ZNF841: variants seen among roughly 807,000 people sequenced by gnomAD.
ZNF841 encodes TCONS_00006091.
In ZNF841, 11 loss-of-function variants were observed where a neutral mutation model predicts 13.0. The observed-to-expected ratio is 0.85, with a 90% CI of 0.53 to 1.40. The LOEUF is 1.40. ZNF841 is among the 40% of genes most tolerant of loss of function. ZNF841 has a pLI of 0.00. For missense variants in ZNF841, 1,068 were observed against 1,139.5 expected, an observed-to-expected ratio of 0.94 and a Z score of 0.90; for synonymous variants, 369 against 381.6, an observed-to-expected ratio of 0.97 and a Z score of 0.38.
chr19:52,081,361 T>C (rs985398980), intron 4 of ZNF841, among the ~76,000 whole-genome samples: 3 of 152,192 alleles, frequency 2.0e-5, no homozygotes, highest in Non-Finnish European at 2.9e-5. Flanking sequence ...GTTGGCTCCA[T>C]CTATGGCTGC....
At chr19:52,077,429 C>CT (rs1372177969) in intron 4 of ZNF841, among the ~76,000 whole-genome samples, 2 of 152,122 alleles carry the variant, frequency 1.3e-5, no homozygotes, top group Admixed American at 1.3e-4. Flanking sequence ...TGACAATGTT[C>CT]TTAGTGGCTT....
intron 1 of ZNF841, among the ~76,000 whole-genome samples, chr19:52,095,172 C>T (rs896039458): frequency 1.3e-5 from 2 of 152,172 alleles, no homozygotes; most frequent in Non-Finnish European, 2.9e-5. Context: ...ACTCAGGTAA[C>T]CTGTCCCAAC....
chr19:52,078,752 A>T (rs538931770), intron 4 of ZNF841, among the ~76,000 whole-genome samples: 75 of 152,078 alleles, frequency 4.9e-4, no homozygotes, highest in Non-Finnish European at 9.7e-4. Context: ...GGCCATAGAA[A>T]CATTTAAGAT....
chr19:52,065,687 G>A lies in ZNF841; in HGVS notation c.2195C>T (p.Thr732Ile). The A allele has an allele frequency of 6.2e-7, 1 of 1,603,172 alleles. No individual in the cohort carries two copies. Among genetic ancestry groups the A allele is most frequent in the Non-Finnish European group, 8.5e-7 (1 of 1,174,250 alleles). ...TSLVYHQRRH[T>I]GEMPYKCIEC... ...AATACATTTGTATGGCATCTCTCCAGTATGTCTTCTCTGATGGTACACCAG... is the reference window on the plus strand; with the variant it reads ...AATACATTTGTATGGCATCTCTCCAATATGTCTTCTCTGATGGTACACCAG... The change falls in exon 7 of 7, where the codon ACT becomes ATT. Residue 732 changes from threonine to isoleucine, a missense_variant. Transcript: ENST00000594440.
At chr19:52,078,661 T>C (rs1214733814) in intron 4 of ZNF841, among the ~76,000 whole-genome samples, 3 of 144,338 alleles carry the variant, frequency 2.1e-5, no homozygotes, top group Non-Finnish European at 4.5e-5. Context: ...ATCGCACCAC[T>C]GCACTCCAGC....
At chr19:52,084,725 T>A in intron 4 of ZNF841, 62 bp downstream of exon 4, 1 of 1,574,526 alleles carries the variant, frequency 6.4e-7, no homozygotes, top group Non-Finnish European at 8.7e-7. Context: ...GATTTGCAGC[T>A]CCAATGCCCT....
intron 4 of ZNF841, 124 bp downstream of exon 4, chr19:52,084,663 C>T (rs1221342965): frequency 8.0e-6 from 8 of 1,005,074 alleles, no homozygotes; most frequent in Middle Eastern, 2.1e-4. Context: ...TGAAGGAAGG[C>T]ATGGGTGAGT....
At chr19:52,074,364 A>C (rs1818599594) in intron 6 of ZNF841, among the ~76,000 whole-genome samples, 1 of 152,234 alleles carries the variant, frequency 6.6e-6, no homozygotes. Flanking sequence ...GACTTAAAAA[A>C]GATAAGCCTC....
At position 52,066,682 on chromosome 19, in the gene ZNF841, G is replaced by T. The variant is rs1313786208; in HGVS notation, c.1200C>A (p.Pro400=). 1.9e-6 allele frequency: 3 copies of T among 1,611,840 alleles called. No individual in the cohort carries two copies. The highest frequency in any genetic ancestry group is 2.5e-6 in the Non-Finnish European group (3 of 1,178,898). ...THQTVHTGDK[P]YKCNECGKTF... ...TTTTGCCACATTCATTACATTTGTA[G>T]GGTTTGTCTCCAGTATGAACTGTCT... The change falls in exon 7 of 7, where the codon CCC becomes CCA. Residue 400 remains proline (P), a synonymous_variant. Coordinates refer to ENST00000594440, the MANE Select transcript of ZNF841 (RefSeq NM_001136499.2).
At chr19:52,060,761 T>C (rs752578026), downstream of ZNF841, among the ~76,000 whole-genome samples, 4 of 152,146 alleles carry the variant, frequency 2.6e-5, no homozygotes, top group Non-Finnish European at 5.9e-5. Context: ...CAGCAGCTCG[T>C]CCAGGGCAAA....
chr19:52,079,892 G>A (rs1370618174), intron 4 of ZNF841, among the ~76,000 whole-genome samples: 2 of 151,680 alleles, frequency 1.3e-5, no homozygotes, highest in African/African-American at 4.9e-5. Context: ...TAGGGAGGCT[G>A]AGCCAGGAGG....
downstream of ZNF841, chr19:52,064,379 A>AC (rs1568532504): frequency 7.1e-6 from 1 of 140,644 alleles, no homozygotes; most frequent in Admixed American, 7.5e-5. Context: ...AAAAAAAAAA[A>AC]AAAAAAAAAA....
chr19:52,082,972 C>T (rs1444499349), intron 4 of ZNF841, among the ~76,000 whole-genome samples: 3 of 151,468 alleles, frequency 2.0e-5, no homozygotes, highest in African/African-American at 4.9e-5. Context: ...CCCAGCTACT[C>T]AGGAGGCTGA....
chr19:52,094,161 G>GGTTCCC (rs1258258321), intron 1 of ZNF841, 190 bp from the exon 2 acceptor site: 1 of 152,074 alleles, frequency 6.6e-6, no homozygotes, highest in Non-Finnish European at 1.5e-5. Flanking sequence ...CTGCCCTCTG[G>GGTTCCC]CTAAATAGGA....
At position 52,076,027 on chromosome 19, in the gene ZNF841, C is replaced by A. The variant is rs1005776687; in HGVS notation, c.271+17G>T. The A allele has an allele frequency of 2.6e-6, 4 of 1,551,672 alleles. No individual in the cohort carries two copies. Among genetic ancestry groups the A allele is most frequent in the Non-Finnish European group, 3.5e-6 (4 of 1,147,046 alleles). On this transcript the variant is annotated intron_variant, in intron 6 of 6. Coordinates refer to ENST00000594440, the MANE Select transcript of ZNF841 (RefSeq NM_001136499.2). ...ATTTCATGGTACCGCTTCCATTGTG[C>A]CCATCTGAGCTCTTACCGGTGATCA... is the stretch of plus-strand genomic sequence containing the variant.
chr19:52,059,706 G>A (rs180840601), downstream of ZNF841, among the ~76,000 whole-genome samples: 3 of 152,214 alleles, frequency 2.0e-5, no homozygotes, highest in East Asian at 3.9e-4. Flanking sequence ...CCTGAGGCAG[G>A]AGAACATGGT....
chr19:52,093,246 A>G (rs2088565361), intron 2 of ZNF841, among the ~76,000 whole-genome samples: 1 of 152,234 alleles, frequency 6.6e-6, no homozygotes, highest in South Asian at 2.1e-4. Context: ...ACATATACAG[A>G]GTGTTCATGT....
At chr19:52,059,685 G>A (rs569202360), downstream of ZNF841, among the ~76,000 whole-genome samples, 1 of 152,170 alleles carries the variant, frequency 6.6e-6, no homozygotes, top group African/African-American at 2.4e-5. Flanking sequence ...ATGGTGGCGT[G>A]AGCCTGTGAT....
At position 52,066,852 on chromosome 19, in the gene ZNF841, G is replaced by T; in HGVS notation, c.1030C>A (p.Pro344Thr). 6.2e-7 allele frequency: 1 copy of T among 1,614,150 alleles called. No individual in the cohort carries two copies. Among genetic ancestry groups the T allele is most frequent in the Non-Finnish European group, 8.5e-7 (1 of 1,180,026 alleles). Residue 344 changes from proline to threonine, a missense_variant, in exon 7 of 7, where the codon CCC becomes ACC. Pro to Thr is a conservative substitution (Grantham distance 38, BLOSUM62 -1). Transcript: ENST00000594440. ...NHRRSHTGDKPYICNECGKSF... is the reference protein window; with the variant it reads ...NHRRSHTGDKTYICNECGKSF... Reference sequence around the variant, plus strand: ...TTGCCACATTCATTACATATGTAGGGTTTGTCTCCAGTGTGACTTCTCCGG... The same window carrying T: ...TTGCCACATTCATTACATATGTAGGTTTTGTCTCCAGTGTGACTTCTCCGG...
Sources: gnomAD v4.1 joint callset for allele counts (sites outside exome capture counted in the v4.1 genomes callset) on GRCh38, gnomAD v4.1.1 for gene constraint, MANE v1.5 for transcripts, NCBI Gene and HGNC (gene_info 2026-07-23, HGNC 2026-07-21) for gene names.